HECW1: variants seen among roughly 807,000 people sequenced by gnomAD.
HECW1 encodes E3 ubiquitin-protein ligase HECW1.
In HECW1, 61 loss-of-function variants were observed where a neutral mutation model predicts 182.3. The observed-to-expected ratio is 0.33, with a 90% CI of 0.27 to 0.41. The LOEUF is 0.41. Ranked by LOEUF, HECW1 falls within the 10% of genes least tolerant of loss-of-function variation. The probability of loss-of-function intolerance (pLI) is 1.00; values close to 1 mark genes in which losing one functional copy is unlikely to be tolerated. For missense variants in HECW1, 1,739 were observed against 2,108.9 expected (o/e 0.82, Z 3.44); for synonymous variants, 859 against 832.6 (o/e 1.03, Z -0.55).
intron 8 of HECW1, among the ~76,000 whole-genome samples, chr7:43,409,500 C>T (rs1411889174): frequency 6.6e-6 from 1 of 152,184 alleles, no homozygotes; most frequent in Non-Finnish European, 1.5e-5. Flanking sequence ...CCAGCACTAT[C>T]AGAATGTTTT....
At position 43,503,326 on chromosome 7, in the gene HECW1, T is replaced by C. The variant is rs558714461; in HGVS notation, c.3631+2004T>C. 7.9e-5 allele frequency among the ~76,000 whole-genome samples: 12 copies of C among 152,226 alleles called. No individual in the cohort carries two copies. In the South Asian group the frequency reaches 2.5e-3, roughly 32 times the overall value. Reference sequence around the variant, plus strand: ...AAGTAAGGGGTTTGGGGGGAAAAGTTTGGAGAAGCTGTAGGACTGCATGAT... The same window carrying C: ...AAGTAAGGGGTTTGGGGGGAAAAGTCTGGAGAAGCTGTAGGACTGCATGAT... On this transcript the variant is annotated intron_variant, in intron 21 of 29. Coordinates refer to ENST00000395891, the MANE Select transcript of HECW1 (RefSeq NM_015052.5).
chr7:43,301,307 T>C (rs1199890148), intron 3 of HECW1, among the ~76,000 whole-genome samples: 1 of 152,226 alleles, frequency 6.6e-6, no homozygotes, highest in Non-Finnish European at 1.5e-5. Flanking sequence ...TTCCCTCAGC[T>C]CTTGCCCCTT....
At chr7:43,250,793 G>C (rs982645749) in intron 3 of HECW1, among the ~76,000 whole-genome samples, 1 of 152,042 alleles carries the variant, frequency 6.6e-6, no homozygotes, top group Non-Finnish European at 1.5e-5. Flanking sequence ...ATAAAAACAG[G>C]CAATTTTATG....
chr7:43,422,332 T>C (rs1226411189), intron 8 of HECW1, among the ~76,000 whole-genome samples: 2 of 151,262 alleles, frequency 1.3e-5, no homozygotes, highest in East Asian at 2.0e-4. Flanking sequence ...TTTTAGAGTA[T>C]ACTTCTCTTT....
intron 2 of HECW1, among the ~76,000 whole-genome samples, chr7:43,116,288 C>T (rs1238109859): frequency 6.6e-6 from 1 of 152,184 alleles, no homozygotes; most frequent in African/African-American, 2.4e-5. Context: ...GATAACTGCT[C>T]TGTTCTGTCT....
At chr7:43,233,023 T>C (rs556485413) in intron 2 of HECW1, among the ~76,000 whole-genome samples, 39 of 152,332 alleles carry the variant, frequency 2.6e-4, no homozygotes, top group Non-Finnish European at 4.6e-4. Flanking sequence ...CTCTGGCTCA[T>C]AGTTCTCAGC....
chr7:43,270,361 C>A (rs1168597348), intron 3 of HECW1, among the ~76,000 whole-genome samples: 2 of 152,144 alleles, frequency 1.3e-5, no homozygotes, highest in Non-Finnish European at 2.9e-5. Flanking sequence ...GTGTGGCTGG[C>A]AAACTAGGGA....
chr7:43,214,274 A>G (rs1796258339), intron 2 of HECW1, among the ~76,000 whole-genome samples: 1 of 152,152 alleles, frequency 6.6e-6, no homozygotes. Flanking sequence ...AATAAACAAT[A>G]TTAGAAATGT....
chr7:43,456,161 G>A, intron 12 of HECW1, 136 bp from the exon 13 acceptor site: 2 of 731,174 alleles, frequency 2.7e-6, no homozygotes, highest in Non-Finnish European at 4.3e-6. Context: ...GGTGGCAGGT[G>A]CTGTGGGCAG....
At chr7:43,382,551 C>T (rs2074599754) in intron 6 of HECW1, among the ~76,000 whole-genome samples, 1 of 152,128 alleles carries the variant, frequency 6.6e-6, no homozygotes, top group African/African-American at 2.4e-5. Flanking sequence ...CTGGAAAGTG[C>T]AAAAAATAAC....
intron 15 of HECW1, 29 bp from the exon 16 acceptor site, chr7:43,468,891 C>G: frequency 6.2e-7 from 1 of 1,611,032 alleles, no homozygotes; most frequent in Non-Finnish European, 8.5e-7. Flanking sequence ...TTCCCCACTC[C>G]TTACCCCGTC....
In HECW1 at chr7:43,438,099, A is replaced by C. The variant is rs754767242; in HGVS notation, c.898A>C (p.Lys300Gln). The change falls in exon 9 of 30, where the codon AAG becomes CAG. Residue 300 changes from lysine to glutamine, a missense_variant. By Grantham distance (53) the Lys-to-Gln change is moderately conservative. Around this residue, in one of 5 missense-constraint regions of HECW1, gnomAD observed 66 missense variants for 113.8 expected, o/e 0.58. Coordinates refer to ENST00000395891, the MANE Select transcript of HECW1 (RefSeq NM_015052.5). ...SRPIIKRFLG[K>Q]LSMPVQRLLE... ...CCCCATCATCAAGCGCTTCTTGGGA[A>C]AGCTGTCGATGCCCGTTCAAAGACT... The C allele has an allele frequency of 2.5e-6, 4 of 1,614,026 alleles. No individual in the cohort carries two copies. The African/African-American group carries it at 5.3e-5, about 22-fold the overall frequency.
intron 20 of HECW1, among the ~76,000 whole-genome samples, chr7:43,500,985 G>A (rs971237525): frequency 2.6e-5 from 4 of 152,194 alleles, no homozygotes; most frequent in Non-Finnish European, 4.4e-5. Context: ...CAAGAGCTGC[G>A]TAAAGTACTT....
At chr7:43,453,577 GC>G (rs1189965067) in intron 12 of HECW1, among the ~76,000 whole-genome samples, 3 of 152,192 alleles carry the variant, frequency 2.0e-5, no homozygotes, top group African/African-American at 7.2e-5. Context: ...TCTAGACTAT[GC>G]AATAGTATTA....
intron 13 of HECW1, among the ~76,000 whole-genome samples, chr7:43,460,484 G>T (rs76260863): frequency 1.8e-3 from 270 of 152,162 alleles, no homozygotes; most frequent in African/African-American, 5.9e-3. Flanking sequence ...GGTTTGGCTT[G>T]GTTTTGGAGG....
At chr7:43,404,928 A>G (rs1322792706) in intron 7 of HECW1, among the ~76,000 whole-genome samples, 7 of 152,126 alleles carry the variant, frequency 4.6e-5, no homozygotes, top group Non-Finnish European at 1.0e-4. Flanking sequence ...GTGAGCCAAG[A>G]TTACACCATT....
intron 6 of HECW1, among the ~76,000 whole-genome samples, chr7:43,366,200 A>G (rs1816636233): frequency 6.6e-6 from 1 of 152,144 alleles, no homozygotes; most frequent in South Asian, 2.1e-4. Context: ...CAGAGGTAAG[A>G]GTTGACACTA....
chr7:43,249,798 G>A (rs1017017654), intron 3 of HECW1, among the ~76,000 whole-genome samples: 8 of 152,288 alleles, frequency 5.3e-5, no homozygotes, highest in African/African-American at 1.7e-4. Flanking sequence ...GCTTGGTAGT[G>A]CTAGATTTAG....
At position 43,450,904 on chromosome 7, in the gene HECW1, A is replaced by G. The variant is rs766781429; in HGVS notation, c.2475A>G (p.Pro825=). ...TGAGGCCTGAACATCATCACTACCC[A>G]ACAATCGATGAGCCTCTTCCACCAA... ...PSLRPEHHHY[P]TIDEPLPPNW... is the part of the protein sequence containing the mutation. Residue 825 remains proline, a synonymous_variant, in exon 12 of 30, where the codon CCA becomes CCG. Coordinates refer to ENST00000395891, the MANE Select transcript of HECW1 (RefSeq NM_015052.5). 4 of 1,612,142 alleles carry G rather than the reference A, an allele frequency of 2.5e-6. No homozygotes were observed. Among genetic ancestry groups the G allele is most frequent in the Non-Finnish European group, 3.4e-6 (4 of 1,178,250 alleles).
Sources: gnomAD v4.1 joint callset for allele counts (sites outside exome capture counted in the v4.1 genomes callset) on GRCh38, gnomAD v4.1.1 for gene constraint, gnomAD v4.1.1 regional missense constraint, MANE v1.5 for transcripts, NCBI Gene and HGNC (gene_info 2026-07-23, HGNC 2026-07-21) for gene names.